Variants in HERC2 observed in about 807,000 individuals in gnomAD.
HERC2 encodes E3 ubiquitin-protein ligase HERC2.
In HERC2, 102 loss-of-function variants were observed where a neutral mutation model predicts 537.7. The observed-to-expected ratio is 0.19, with a 90% CI of 0.16 to 0.22. The LOEUF (loss-of-function observed/expected upper bound fraction) is 0.22, where lower values mean the gene tolerates loss of function less well. HERC2 is among the 10% of genes least tolerant of loss of function. The probability of loss-of-function intolerance (pLI) is 1.00; values close to 1 mark genes in which losing one functional copy is unlikely to be tolerated. For missense variants in HERC2, 4,236 were observed against 6,198.2 expected, an observed-to-expected ratio of 0.68 and a Z score of 10.63; for synonymous variants, 2,224 against 2,466.2, an observed-to-expected ratio of 0.90 and a Z score of 2.91.
Position 28,201,538 on chromosome 15 carries a change from A to G in HERC2, c.7634T>C (p.Val2545Ala). The change falls in exon 48 of 93, where the codon GTG becomes GCG. Residue 2545 changes from valine to alanine, a missense_variant. Transcript: ENST00000261609. ...AAYSMSTGAV[V>A]TESQTYKKRA... ...TTTTTTGTACGTCTGGCTCTCCGTC[A>G]CAACAGCACCAGTAGACTGCAAGAA... The G allele has an allele frequency of 6.2e-7, 1 of 1,612,252 alleles. No homozygotes were observed. Among genetic ancestry groups the G allele is most frequent in the Non-Finnish European group, 8.5e-7 (1 of 1,178,252 alleles).
At chr15:28,165,050 A>G (rs946654885) in intron 68 of HERC2, among the ~76,000 whole-genome samples, 4 of 152,276 alleles carry the variant, frequency 2.6e-5, no homozygotes, top group Non-Finnish European at 5.9e-5. Context: ...AAGGGAGTAC[A>G]CATGAGCAGG....
intron 7 of HERC2, among the ~76,000 whole-genome samples, chr15:28,273,902 G>C (rs1230798681): frequency 2.0e-5 from 3 of 152,162 alleles, no homozygotes; most frequent in Admixed American, 2.0e-4. Context: ...TAAAGAATTT[G>C]ATCTTGAGTA....
Position 28,114,725 on chromosome 15 carries a change from G to A in HERC2, c.13800C>T (p.Ser4600=), listed in dbSNP as rs1167387059. 1.2e-6 allele frequency: 2 copies of A among 1,613,966 alleles called. No individual in the cohort carries two copies. The highest frequency in any genetic ancestry group is 8.5e-7 in the Non-Finnish European group (1 of 1,180,026). Residue 4600 remains serine, a synonymous_variant, in exon 90 of 93, where the codon AGC becomes AGT. Transcript: ENST00000261609. ...EATSEEFEAM[S]LPFTVPSASG... ...TGGCACTTGGCACTGTGAAGGGCAG[G>A]CTCATGGCTTCAAACTCCTCTGAGG...
rs1220938553 is a variant in HERC2, at chr15:28,203,555, C to A, written c.7213-941G>T. On this transcript the variant is annotated intron_variant, in intron 45 of 92. Transcript: ENST00000261609. ...ACTCTGGATAAAATATTTTTTAAAA[C>A]TGCTTGAGGGCACTGGAGAACAGCT... 5.3e-5 allele frequency: 8 copies of A among 152,166 alleles called. 1 individual carries two copies. Among genetic ancestry groups the A allele is most frequent in the African/African-American group, 1.9e-4 (8 of 41,412 alleles). The allele number at this position is 152,166 out of a possible 1,614,324, so 9.4% of individuals were successfully genotyped here.
At chr15:28,291,909 GAAAAAAAAAA>G (rs67813649) in intron 4 of HERC2, among the ~76,000 whole-genome samples, 8 of 37,944 alleles carry the variant, frequency 2.1e-4, no homozygotes, top group East Asian at 1.5e-3. Context: ...CGTCTCAAAG[GAAAAAAAAAA>G]AAAAAAAAAA....
chr15:28,292,818 A>G, intron 4 of HERC2, 70 bp downstream of exon 4: 1 of 1,444,874 alleles, frequency 6.9e-7, no homozygotes, highest in Non-Finnish European at 9.5e-7. Context: ...AATACTAAGA[A>G]TCCATCCAAG....
Position 28,191,877 on chromosome 15 carries a change from G to T in HERC2, c.8451+84C>A. ...CAGGTGCTATCAGCAAAACTTTGCA[G>T]GCTGCTCAAAGTTCATTTTGAAAAT... On this transcript the variant is annotated intron_variant, in intron 53 of 92. Coordinates refer to ENST00000261609, the MANE Select transcript of HERC2 (RefSeq NM_004667.6). 5 of 1,239,266 alleles carry T rather than the reference G, an allele frequency of 4.0e-6. No homozygotes were observed. The South Asian group carries it at 7.1e-5, about 18-fold the overall frequency. The allele number at this position is 1,239,266 out of a possible 1,614,324, so 76.8% of individuals were successfully genotyped here.
In HERC2 at chr15:28,198,652, G is replaced by C. The variant is rs1897590996; in HGVS notation, c.7834C>G (p.Gln2612Glu). The change falls in exon 49 of 93, where the codon CAG becomes GAG. Residue 2612 changes from glutamine (Q) to glutamate (E), a missense_variant. Gln to Glu is a conservative substitution (Grantham distance 29, BLOSUM62 2). This residue lies in a region of HERC2 where 606 missense variants were observed against 884.5 expected (regional missense o/e 0.69). Transcript: ENST00000261609. ...LHDLNVQCDW[Q>E]QKGGTYWVRY... Reference sequence around the variant, plus strand: ...ACCCAGTAGGTGCCCCCTTTCTGCTGCCAGTCACACTGCACATTGAGATCA... The same window carrying C: ...ACCCAGTAGGTGCCCCCTTTCTGCTCCCAGTCACACTGCACATTGAGATCA... 17 of 1,614,070 alleles carry C rather than the reference G, an allele frequency of 1.1e-5. No homozygotes were observed. The highest frequency in any genetic ancestry group is 1.4e-5 in the Non-Finnish European group (17 of 1,179,984).
intron 37 of HERC2, 61 bp downstream of exon 37, chr15:28,220,391 C>A: frequency 6.8e-7 from 1 of 1,463,598 alleles, no homozygotes; most frequent in Non-Finnish European, 9.5e-7. Flanking sequence ...ACAGTGGTGG[C>A]AGCCAGCACC....
At chr15:28,146,107 T>G (rs1021932267) in intron 71 of HERC2, 130 bp downstream of exon 71, 1 of 655,274 alleles carries the variant, frequency 1.5e-6, no homozygotes, top group Non-Finnish European at 2.7e-6. Flanking sequence ...CACAGCTGAA[T>G]AGCATATTGT....
rs113212089 is a variant in HERC2 at position 28,214,640 on chromosome 15, T to C, written c.6358+15A>G. The C allele has an allele frequency of 1.8e-5, 29 of 1,589,434 alleles. 1 individual carries two copies. Among genetic ancestry groups the C allele is most frequent in the African/African-American group, 9.7e-5 (7 of 71,968 alleles). The stretch of plus-strand genomic sequence containing the variant: ...GCTCTTCACCAGGGCACAGGGAAGG[T>C]AGACGGCCACCCACCTCTGAGTAAT... On this transcript the variant is annotated intron_variant, in intron 40 of 92. Transcript: ENST00000261609.
intron 55 of HERC2, among the ~76,000 whole-genome samples, chr15:28,189,625 T>C (rs947834194): frequency 3.3e-5 from 5 of 152,226 alleles, no homozygotes; most frequent in Admixed American, 6.5e-5. Context: ...GTAACTACTG[T>C]GAATGTACTA....
chr15:28,165,708 G>A (rs1439750337), intron 68 of HERC2, among the ~76,000 whole-genome samples: 2 of 152,154 alleles, frequency 1.3e-5, no homozygotes, highest in Non-Finnish European at 2.9e-5. Flanking sequence ...TTGGGAGGCT[G>A]AGGATGGCTT....
chr15:28,256,398 T>C, intron 17 of HERC2, 81 bp from the exon 18 acceptor site: 1 of 934,364 alleles, frequency 1.1e-6, no homozygotes, highest in East Asian at 2.6e-5. Flanking sequence ...TGAATAAAAG[T>C]CAATTTCAAG....
chr15:28,316,285 C>CT (rs576894643), intron 2 of HERC2, among the ~76,000 whole-genome samples: 128 of 147,420 alleles, frequency 8.7e-4, no homozygotes, highest in South Asian at 6.8e-3. Flanking sequence ...AACCCTTTTC[C>CT]TTTTTTTTTA....
At position 28,310,695 on chromosome 15, in the gene HERC2, T is replaced by G. The variant is rs368143278; in HGVS notation, c.72+10667A>C. 4.4e-4 allele frequency among the ~76,000 whole-genome samples: 67 copies of G among 152,178 alleles called. No homozygotes were observed. The East Asian group carries it at 6.6e-3, about 15-fold the overall frequency. On this transcript the variant is annotated intron_variant, in intron 2 of 92. Coordinates refer to ENST00000261609, the MANE Select transcript of HERC2 (RefSeq NM_004667.6). ...CCATGTGGGCCGTGCTCCAGGAGTT[T>G]CAGACTATCTTTAGGCACTCAAGGG...
chr15:28,163,061 GA>G, intron 69 of HERC2, 32 bp downstream of exon 69: 1 of 1,565,392 alleles, frequency 6.4e-7, no homozygotes, highest in Non-Finnish European at 8.7e-7. Flanking sequence ...GGAGGAGGTG[GA>G]ATCAGACGGC....
intron 3 of HERC2, among the ~76,000 whole-genome samples, chr15:28,296,543 GTACT>G (rs1241881966): frequency 6.6e-6 from 1 of 152,054 alleles, no homozygotes; most frequent in East Asian, 1.9e-4. Flanking sequence ...ATTTTGCCAT[GTACT>G]TAGCTTTTCT....
chr15:28,300,843 A>G (rs2076602246), intron 2 of HERC2, among the ~76,000 whole-genome samples: 1 of 138,464 alleles, frequency 7.2e-6, no homozygotes, highest in East Asian at 2.0e-4. Flanking sequence ...AAAAAAAAAA[A>G]AAAAAAAAAA....
Sources: allele counts gnomAD v4.1 joint callset (sites outside exome capture counted in the v4.1 genomes callset), GRCh38; gene constraint gnomAD v4.1.1; regional missense constraint gnomAD v4.1.1; transcripts MANE v1.5; gene names NCBI Gene and HGNC (gene_info 2026-07-23, HGNC 2026-07-21).